The following MAGI1 variants were observed in gnomAD, a reference collection of about 807,000 sequenced individuals.
MAGI1 encodes the protein membrane-associated guanylate kinase, WW and PDZ domain-containing protein 1.
MAGI1 carries 58 observed loss-of-function variants against 139.9 expected under a neutral mutation model. The observed-to-expected ratio is 0.41, with a 90% CI of 0.34 to 0.52. The LOEUF (loss-of-function observed/expected upper bound fraction) is 0.52. Ranked by LOEUF, MAGI1 falls within the 20% of genes least tolerant of loss-of-function variation. MAGI1 has a pLI of 0.12. For missense variants in MAGI1, 1,874 were observed against 1,901.6 expected (o/e 0.99, Z 0.27); for synonymous variants, 812 against 737.9 (o/e 1.10, Z -1.63).
intron 1 of MAGI1, among the ~76,000 whole-genome samples, chr3:65,767,105 T>A (rs1241106716): frequency 3.3e-5 from 5 of 152,168 alleles, no homozygotes; most frequent in Non-Finnish European, 7.3e-5. Context: ...AAAATCAATC[T>A]GCACACATGT....
rs1020488875 is a variant in MAGI1 at position 65,925,405 on chromosome 3, G to C, written c.313+112591C>G. 20 of 152,174 alleles carry C rather than the reference G, an allele frequency of 1.3e-4. 1 individual carries two copies. Among genetic ancestry groups the C allele is most frequent in the Non-Finnish European group, 7.4e-5 (5 of 68,008 alleles). 9.4% of individuals were successfully genotyped at this position (152,174 alleles called of 1,614,324 possible). ...AATAAAGGGCACCTTGCCCAGATTT[G>C]ATGTAAAAAGGCCCACCTTGACCCA... On this transcript the variant is annotated intron_variant, in intron 1 of 22. Coordinates refer to ENST00000402939, the MANE Select transcript of MAGI1 (RefSeq NM_001033057.2).
chr3:65,537,802 GA>G (rs1043038669), intron 2 of MAGI1, among the ~76,000 whole-genome samples: 1 of 152,166 alleles, frequency 6.6e-6, no homozygotes, highest in African/African-American at 2.4e-5. Flanking sequence ...CACATTTAAA[GA>G]GAAAGATTAT....
chr3:65,909,111 G>C (rs1460398918), intron 1 of MAGI1, among the ~76,000 whole-genome samples: 1 of 152,116 alleles, frequency 6.6e-6, no homozygotes, highest in Non-Finnish European at 1.5e-5. Flanking sequence ...AGAAGCCTTT[G>C]CTCACAGTGC....
At chr3:65,747,912 A>G (rs1576987853) in intron 1 of MAGI1, among the ~76,000 whole-genome samples, 1 of 152,236 alleles carries the variant, frequency 6.6e-6, no homozygotes, top group Admixed American at 6.5e-5. Context: ...CGGGCGAGGC[A>G]GGGGTGGTGG....
chr3:65,681,081 A>C (rs1234220691), intron 1 of MAGI1, among the ~76,000 whole-genome samples: 5 of 152,232 alleles, frequency 3.3e-5, no homozygotes, highest in Admixed American at 3.3e-4. Context: ...AAGCACCTAC[A>C]TTCTTGTATT....
At chr3:65,626,576 A>C (rs749638264) in intron 1 of MAGI1, among the ~76,000 whole-genome samples, 3 of 152,176 alleles carry the variant, frequency 2.0e-5, no homozygotes, top group African/African-American at 4.8e-5. Flanking sequence ...CTCCTGTCTC[A>C]GCCTACCAAA....
intron 1 of MAGI1, among the ~76,000 whole-genome samples, chr3:65,801,078 T>C (rs2040482554): frequency 6.6e-6 from 1 of 152,202 alleles, no homozygotes; most frequent in South Asian, 2.1e-4. Context: ...TGGTTTATAT[T>C]TGAGACACTT....
chr3:65,844,711 A>AC (rs1485427823), intron 1 of MAGI1, among the ~76,000 whole-genome samples: 2 of 152,122 alleles, frequency 1.3e-5, no homozygotes, highest in Non-Finnish European at 2.9e-5. Context: ...GAAACTGAAA[A>AC]CCCAATTCAT....
At chr3:65,871,733 A>C (rs1225580688) in intron 1 of MAGI1, among the ~76,000 whole-genome samples, 1 of 152,210 alleles carries the variant, frequency 6.6e-6, no homozygotes, top group Non-Finnish European at 1.5e-5. Flanking sequence ...CTCTGTGCAA[A>C]GTTTTCTACT....
chr3:65,428,749 G>A (rs192553438), intron 12 of MAGI1, among the ~76,000 whole-genome samples: 151 of 152,212 alleles, frequency 9.9e-4, no homozygotes, highest in Non-Finnish European at 5.0e-4. Flanking sequence ...ATGAAATAAC[G>A]TCTTGTGCTA....
At chr3:65,416,333 C>T (rs1946217796) in intron 12 of MAGI1, among the ~76,000 whole-genome samples, 1 of 152,164 alleles carries the variant, frequency 6.6e-6, no homozygotes, top group South Asian at 2.1e-4. Context: ...CATGTTGCAG[C>T]TTCATAGTTA....
chr3:66,005,905 A>T (rs531678727), intron 1 of MAGI1, among the ~76,000 whole-genome samples: 1 of 152,168 alleles, frequency 6.6e-6, no homozygotes, highest in East Asian at 1.9e-4. Flanking sequence ...ACTTCCAATA[A>T]GATTGCAATC....
At chr3:65,554,671 T>C (rs1054686304) in intron 2 of MAGI1, among the ~76,000 whole-genome samples, 4 of 152,210 alleles carry the variant, frequency 2.6e-5, no homozygotes, top group Admixed American at 2.0e-4. Flanking sequence ...CCAAGTCTCA[T>C]ACCTACATCA....
At chr3:65,504,318 T>G (rs2107713568) in intron 2 of MAGI1, among the ~76,000 whole-genome samples, 1 of 152,358 alleles carries the variant, frequency 6.6e-6, no homozygotes, top group South Asian at 2.1e-4. Flanking sequence ...AAAATTATGT[T>G]CATTTAAAAA....
chr3:65,542,515 C>CTATA (rs2079286424), intron 2 of MAGI1, among the ~76,000 whole-genome samples: 1 of 152,124 alleles, frequency 6.6e-6, no homozygotes, highest in African/African-American at 2.4e-5. Flanking sequence ...TACTACAAGG[C>CTATA]TATAGTAACC....
Position 65,375,747 on chromosome 3 carries a change from T to G in MAGI1, c.3194A>C (p.Asp1065Ala). ...NTVTLRIIPG[D>A]ESSNATLLTN... ...GAGAGATAATAGGTATACTTTACCA[T>G]CCCCAGGAATGATGCGGAGGGTAAC... is the stretch of plus-strand genomic sequence containing the variant. The change falls in exon 18 of 23, where the codon GAT (aspartate) becomes GCT (alanine). Residue 1065 changes from aspartate (D) to alanine (A), a missense_variant and splice_region_variant. Transcript: ENST00000402939. 6.2e-7 allele frequency: 1 copy of G among 1,607,660 alleles called. No individual in the cohort carries two copies. The highest frequency in any genetic ancestry group is 8.5e-7 in the Non-Finnish European group (1 of 1,174,316).
chr3:65,417,179 C>G (rs1310259059), intron 12 of MAGI1, among the ~76,000 whole-genome samples: 2 of 152,068 alleles, frequency 1.3e-5, no homozygotes, highest in African/African-American at 4.8e-5. Context: ...CGGAGGGCGG[C>G]AGGGGTAGTG....
At chr3:65,934,469 G>T (rs890952411) in intron 1 of MAGI1, among the ~76,000 whole-genome samples, 2 of 151,780 alleles carry the variant, frequency 1.3e-5, no homozygotes, top group Admixed American at 1.3e-4. Flanking sequence ...ACAAATAAAG[G>T]CTTACCTTCA....
At chr3:65,469,772 C>A (rs1950435596) in intron 5 of MAGI1, 1 of 151,090 alleles carries the variant, frequency 6.6e-6, no homozygotes, top group Non-Finnish European at 1.5e-5. Flanking sequence ...ACAGAAAAGC[C>A]AGACTTAGAG....
Sources: allele counts gnomAD v4.1 joint callset (sites outside exome capture counted in the v4.1 genomes callset), GRCh38; gene constraint gnomAD v4.1.1; transcripts MANE v1.5; gene names NCBI Gene and HGNC (gene_info 2026-07-23, HGNC 2026-07-21).